The following OR4N2 variants were observed in gnomAD, a reference collection of about 807,000 sequenced individuals.
OR4N2 encodes the protein olfactory receptor 4N2.
For synonymous variants in OR4N2, 141 were observed against 140.4 expected (o/e 1.00, Z -0.03); for missense variants, 307 against 377.6 (o/e 0.81, Z 1.55).
chr14:19,819,590 C>T (rs1282084415), intron 1 of OR4N2, among the ~76,000 whole-genome samples: 6 of 152,230 alleles, frequency 3.9e-5, no homozygotes, highest in Non-Finnish European at 7.3e-5. Flanking sequence ...ATTCCTCTAA[C>T]CTTTTTCAAG....
chr14:19,829,244 C>A lies in OR4N2; in HGVS notation c.*872C>A, dbSNP rs1377344233. ...ATTTTACTTTTTTTTTCTAGAGCTT[C>A]ATGATTACTCCTAGCAAATTTTTAT... On this transcript the variant is annotated 3_prime_UTR_variant, in exon 2 of 2. Coordinates refer to ENST00000557677, the MANE Select transcript of OR4N2 (RefSeq NM_001004723.3). 1 of 152,174 alleles carries A rather than the reference C, an allele frequency of 6.6e-6. No individual in the cohort carries two copies. The highest frequency in any genetic ancestry group is 1.5e-5 in the Non-Finnish European group (1 of 68,046). The allele number at this position is 152,174 out of a possible 1,614,324, so 9.4% of individuals were successfully genotyped here.
intron 1 of OR4N2, among the ~76,000 whole-genome samples, chr14:19,823,797 G>GAA (rs201315309): frequency 8.1e-5 from 11 of 136,264 alleles, no homozygotes; most frequent in Admixed American, 3.6e-4. Flanking sequence ...ATCACAACCA[G>GAA]AAAAAAAAAA....
intron 1 of OR4N2, among the ~76,000 whole-genome samples, chr14:19,813,841 C>CTTTTTTTT (rs34020966): frequency 6.8e-6 from 1 of 146,080 alleles, no homozygotes; most frequent in African/African-American, 2.6e-5. Context: ...GTTTCTTCAC[C>CTTTTTTTT]TTTTTTTTTT....
At position 19,827,900 on chromosome 14, in the gene OR4N2, G is replaced by C; in HGVS notation, c.452G>C (p.Gly151Ala). The C allele has an allele frequency of 6.2e-7, 1 of 1,614,224 alleles. No individual in the cohort carries two copies. Among genetic ancestry groups the C allele is most frequent in the East Asian group, 2.2e-5 (1 of 44,886 alleles). Residue 151 changes from glycine to alanine, a missense_variant, in exon 2 of 2, where the codon GGG becomes GCG. Coordinates refer to ENST00000557677, the MANE Select transcript of OR4N2 (RefSeq NM_001004723.3). ...CYAMMLALWL[G>A]GFVHSIIQVV... ...GCAATGATGTTGGCTCTGTGGCTTGGGGGTTTTGTCCACTCCATTATCCAG... is the reference window on the plus strand; with the variant it reads ...GCAATGATGTTGGCTCTGTGGCTTGCGGGTTTTGTCCACTCCATTATCCAG...
intron 1 of OR4N2, among the ~76,000 whole-genome samples, chr14:19,811,948 A>G (rs1171590037): frequency 6.6e-6 from 1 of 152,282 alleles, no homozygotes; most frequent in Non-Finnish European, 1.5e-5. Flanking sequence ...ATTGAAAGAA[A>G]GTTGTTTTTT....
intron 1 of OR4N2, among the ~76,000 whole-genome samples, chr14:19,807,714 G>A (rs370295944): frequency 6.6e-6 from 1 of 152,064 alleles, no homozygotes; most frequent in Non-Finnish European, 1.5e-5. Flanking sequence ...AGGAGGAGGA[G>A]CTCCTCCCTA....
chr14:19,825,434 T>A lies in OR4N2; in HGVS notation c.-9-2006T>A, dbSNP rs182539151. 3.7e-3 allele frequency among the ~76,000 whole-genome samples: 563 copies of A among 152,256 alleles called. 1 individual carries two copies. The highest frequency in any genetic ancestry group is 0.012 in the African/African-American group (483 of 41,492). ...CTCTTCTTTCTTCCCTCATCCTATA[T>A]CTTCTTGTCTTTCTTTTCTAGGTAC... On this transcript the variant is annotated intron_variant, in intron 1 of 1. Transcript: ENST00000557677.
At position 19,827,840 on chromosome 14, in the gene OR4N2, A is replaced by T; in HGVS notation, c.392A>T (p.His131Leu). The T allele has an allele frequency of 6.2e-7, 1 of 1,614,232 alleles. No individual in the cohort carries two copies. Among genetic ancestry groups the T allele is most frequent in the East Asian group, 2.2e-5 (1 of 44,890 alleles). Reference protein sequence around the residue: ...DRYIAICRPLHYPTVMNPRTC... With the variant: ...DRYIAICRPLLYPTVMNPRTC... ...TACATCGCCATCTGCCGGCCTCTGC[A>T]CTATCCTACTGTCATGAACCCTAGA... Residue 131 changes from histidine to leucine, a missense_variant, in exon 2 of 2, where the codon CAC (histidine) becomes CTC (leucine). Transcript: ENST00000557677.
At chr14:19,816,934 C>A (rs553728382) in intron 1 of OR4N2, among the ~76,000 whole-genome samples, 3 of 152,250 alleles carry the variant, frequency 2.0e-5, no homozygotes, top group Non-Finnish European at 2.9e-5. Context: ...GCCTTTTCTG[C>A]ATCTATTGAG....
chr14:19,815,920 A>G (rs562382487), intron 1 of OR4N2, among the ~76,000 whole-genome samples: 1 of 152,260 alleles, frequency 6.6e-6, no homozygotes, highest in Non-Finnish European at 1.5e-5. Flanking sequence ...ACATATGTCT[A>G]AGCCAGTTTT....
intron 1 of OR4N2, among the ~76,000 whole-genome samples, chr14:19,811,193 G>A (rs775219658): frequency 1.3e-5 from 2 of 152,214 alleles, no homozygotes; most frequent in African/African-American, 4.8e-5. Context: ...GCATTGCAAG[G>A]ATTTTGCATT....
chr14:19,821,069 G>A (rs1267575927), intron 1 of OR4N2, among the ~76,000 whole-genome samples: 1 of 152,276 alleles, frequency 6.6e-6, no homozygotes, highest in African/African-American at 2.4e-5. Context: ...GTAGGCACCT[G>A]AGGGAATCTC....
chr14:19,807,190 A>C (rs1288706976), intron 1 of OR4N2, among the ~76,000 whole-genome samples: 1 of 152,018 alleles, frequency 6.6e-6, no homozygotes, highest in Non-Finnish European at 1.5e-5. Flanking sequence ...CTAGAAAAAA[A>C]AAAAGCTCAA....
At chr14:19,816,976 T>C (rs1340404023) in intron 1 of OR4N2, among the ~76,000 whole-genome samples, 180 of 152,382 alleles carry the variant, frequency 1.2e-3, no homozygotes, top group African/African-American at 4.2e-3. Context: ...CTGGTTCTGT[T>C]TATGTGATGG....
chr14:19,822,133 G>T (rs560345355), intron 1 of OR4N2: 1 of 152,266 alleles, frequency 6.6e-6, no homozygotes, highest in Non-Finnish European at 1.5e-5. Context: ...ACAGGCTAAG[G>T]TCTAAATTCA....
chr14:19,818,233 G>C (rs1449469498), intron 1 of OR4N2, among the ~76,000 whole-genome samples: 1 of 152,216 alleles, frequency 6.6e-6, no homozygotes, highest in African/African-American at 2.4e-5. Flanking sequence ...TTCAAGTCCT[G>C]AATATCCTTG....
Position 19,829,232 on chromosome 14 carries a change from T to C in OR4N2, c.*860T>C, listed in dbSNP as rs1879805657. 1 of 152,260 alleles carries C rather than the reference T, an allele frequency of 6.6e-6. No homozygotes were observed. Among genetic ancestry groups the C allele is most frequent in the South Asian group, 2.1e-4 (1 of 4,834 alleles). 9.4% of individuals were successfully genotyped at this position (152,260 alleles called of 1,614,324 possible). On this transcript the variant is annotated 3_prime_UTR_variant, in exon 2 of 2. Coordinates refer to ENST00000557677, the MANE Select transcript of OR4N2 (RefSeq NM_001004723.3). The stretch of plus-strand genomic sequence containing the variant: ...GATCACAAAAACATTTTACTTTTTT[T>C]TTCTAGAGCTTCATGATTACTCCTA...
Position 19,808,781 on chromosome 14 carries a change from A to G in OR4N2, c.-10+4937A>G, listed in dbSNP as rs546814622. Among the ~76,000 whole-genome samples, 7 of 152,196 alleles carry G rather than the reference A, an allele frequency of 4.6e-5. No homozygotes were observed. In the South Asian group the frequency reaches 1.5e-3, roughly 32 times the overall value. ...GTCAAAACAATCCCATGCAAAATGTACCACATGAACATATGCACCTACTCT... is the reference window on the plus strand; with the variant it reads ...GTCAAAACAATCCCATGCAAAATGTGCCACATGAACATATGCACCTACTCT... On this transcript the variant is annotated intron_variant, in intron 1 of 1. Transcript: ENST00000557677.
intron 1 of OR4N2, among the ~76,000 whole-genome samples, chr14:19,812,329 C>CTTTTTTTTTTTTTTTTTT (rs3078143): frequency 7.9e-4 from 93 of 117,410 alleles, no homozygotes; most frequent in East Asian, 2.6e-3. Flanking sequence ...CTTTTCTTTT[C>CTTTTTTTTTTTTTTTTTT]TTTTTTTTTT....
Sources: gnomAD v4.1 joint callset for allele counts (sites outside exome capture counted in the v4.1 genomes callset) on GRCh38, gnomAD v4.1.1 for gene constraint, MANE v1.5 for transcripts, NCBI Gene and HGNC (gene_info 2026-07-23, HGNC 2026-07-21) for gene names.